RGS7BP: variants seen among roughly 807,000 people sequenced by gnomAD.
RGS7BP encodes regulator of G protein signaling 7-binding protein.
Under a neutral mutation model 31.3 loss-of-function variants are expected in RGS7BP, and 9 were observed. That is an observed-to-expected ratio of 0.29 (90% confidence interval 0.17 to 0.50). The LOEUF is 0.50. RGS7BP is among the 20% of genes least tolerant of loss of function. The pLI is 0.98. For synonymous variants in RGS7BP, 115 were observed against 120.1 expected, an observed-to-expected ratio of 0.96 and a Z score of 0.28; for missense variants, 274 against 322.0, an observed-to-expected ratio of 0.85 and a Z score of 1.14.
chr5:64,528,626 AC>A (rs1180261299), intron 2 of RGS7BP, among the ~76,000 whole-genome samples: 2 of 152,026 alleles, frequency 1.3e-5, no homozygotes, highest in African/African-American at 4.8e-5. Context: ...AGCCTGGCCA[AC>A]ATGGTGAAAC....
chr5:64,551,118 C>T lies in RGS7BP; in HGVS notation c.333-24656C>T, dbSNP rs541641145. On this transcript the variant is annotated intron_variant, in intron 2 of 5. Transcript: ENST00000334025. Reference sequence around the variant, plus strand: ...AACACAAGTCATTTCTACCTACTCTCTGTATTGGGTTTTCTGCTTATTTGT... The same window carrying T: ...AACACAAGTCATTTCTACCTACTCTTTGTATTGGGTTTTCTGCTTATTTGT... 8.3e-4 allele frequency among the ~76,000 whole-genome samples: 126 copies of T among 151,924 alleles called. 1 individual carries two copies. The South Asian group carries it at 0.026, about 31-fold the overall frequency.
At chr5:64,507,675 GT>G (rs1280126617) in intron 1 of RGS7BP, 35 bp from the exon 2 acceptor site, 13 of 1,539,238 alleles carry the variant, frequency 8.4e-6, no homozygotes, top group Non-Finnish European at 1.1e-5. Flanking sequence ...GATGAGAAAT[GT>G]TTGGTAAAAA....
chr5:64,597,336 G>C (rs1245790888), intron 4 of RGS7BP, among the ~76,000 whole-genome samples: 4 of 151,996 alleles, frequency 2.6e-5, no homozygotes, highest in African/African-American at 4.8e-5. Context: ...CAGTGGCATT[G>C]CATGCTGTGT....
intron 5 of RGS7BP, among the ~76,000 whole-genome samples, chr5:64,601,971 T>G (rs750375206): frequency 3.9e-5 from 6 of 152,172 alleles, no homozygotes; most frequent in Non-Finnish European, 5.9e-5. Context: ...TGCATAGAAT[T>G]TGGTCGTTGA....
intron 2 of RGS7BP, among the ~76,000 whole-genome samples, chr5:64,553,157 T>C (rs1001210072): frequency 1.0e-4 from 15 of 147,472 alleles, no homozygotes; most frequent in Non-Finnish European, 2.2e-4. Context: ...AGGACTTCCT[T>C]CCTTTCTTTC....
chr5:64,603,036 C>T (rs371827441), intron 5 of RGS7BP, among the ~76,000 whole-genome samples: 83 of 152,162 alleles, frequency 5.5e-4, no homozygotes, highest in Admixed American at 2.3e-3. Flanking sequence ...AGTCTCTAGA[C>T]AAAAGGCTTA....
At chr5:64,586,917 C>G (rs769983330) in intron 3 of RGS7BP, among the ~76,000 whole-genome samples, 27 of 152,140 alleles carry the variant, frequency 1.8e-4, no homozygotes, top group Non-Finnish European at 2.9e-4. Context: ...TAAATCCATA[C>G]TAGTTCATGT....
chr5:64,606,946 T>G (rs1743380953), intron 5 of RGS7BP, among the ~76,000 whole-genome samples: 1 of 152,078 alleles, frequency 6.6e-6, no homozygotes, highest in Non-Finnish European at 1.5e-5. Flanking sequence ...AATATGAGCT[T>G]TAAGAAAGGA....
intron 2 of RGS7BP, among the ~76,000 whole-genome samples, chr5:64,538,518 C>CTTTTTTTTTTTTTTTTTTTTTTTTTT (rs1741435781): frequency 1.7e-5 from 1 of 60,574 alleles, no homozygotes; most frequent in Non-Finnish European, 3.5e-5. Flanking sequence ...TTTTTTTTTC[C>CTTTTTTTTTTTTTTTTTTTTTTTTTT]TTTTCTTTTC....
chr5:64,527,441 G>A (rs78475198), intron 2 of RGS7BP, among the ~76,000 whole-genome samples: 1,535 of 152,164 alleles, frequency 0.01, 34 homozygotes, highest in African/African-American at 0.034. Flanking sequence ...GAGGAAAGAG[G>A]CGAGGATTGA....
chr5:64,512,557 C>T (rs989449384), intron 2 of RGS7BP, among the ~76,000 whole-genome samples: 7 of 152,096 alleles, frequency 4.6e-5, no homozygotes, highest in African/African-American at 1.2e-4. Flanking sequence ...GAGTATATGG[C>T]ATTGTGAGGA....
At chr5:64,538,647 C>A (rs1234958354) in intron 2 of RGS7BP, among the ~76,000 whole-genome samples, 1 of 146,678 alleles carries the variant, frequency 6.8e-6, no homozygotes, top group Non-Finnish European at 1.5e-5. Flanking sequence ...ACTTCTGCCC[C>A]CTGGGTTCAA....
chr5:64,560,396 T>C (rs1436273530), intron 2 of RGS7BP, among the ~76,000 whole-genome samples: 3 of 152,076 alleles, frequency 2.0e-5, no homozygotes, highest in African/African-American at 7.2e-5. Context: ...ACATTAAAGT[T>C]TGAGAACCTC....
Position 64,598,432 on chromosome 5 carries a change from CA to C in RGS7BP, c.681del (p.Asp228MetfsTer6). On this transcript the variant is annotated frameshift_variant and splice_region_variant, in exon 5 of 6. Transcript: ENST00000334025. LOFTEE classifies it high-confidence loss of function. ...AACTATGCCTTTACCATTGAAAAAT[CA>C]AGGTGAGTCTTGTCACTTCTCTTTG... ...RETMPLPLKN[Q>X]DDSSLLNLTP... 2 of 1,592,140 alleles carry C rather than the reference CA, an allele frequency of 1.3e-6. No individual in the cohort carries two copies. The highest frequency in any genetic ancestry group is 1.7e-6 in the Non-Finnish European group (2 of 1,160,034).
chr5:64,606,737 T>C (rs1159809040), intron 5 of RGS7BP, among the ~76,000 whole-genome samples: 1 of 152,128 alleles, frequency 6.6e-6, no homozygotes, highest in East Asian at 1.9e-4. Context: ...ATGGTTTATC[T>C]CTGAGATGTT....
chr5:64,517,070 G>T (rs990762391), intron 2 of RGS7BP, among the ~76,000 whole-genome samples: 1 of 151,396 alleles, frequency 6.6e-6, no homozygotes, highest in Non-Finnish European at 1.5e-5. Context: ...TGGTACAGTG[G>T]CTCCATGAAA....
intron 2 of RGS7BP, among the ~76,000 whole-genome samples, chr5:64,549,917 C>A (rs1174428289): frequency 6.6e-6 from 1 of 152,176 alleles, no homozygotes; most frequent in Non-Finnish European, 1.5e-5. Flanking sequence ...ACTTAGAAAT[C>A]TTTTCAGCTA....
intron 2 of RGS7BP, among the ~76,000 whole-genome samples, chr5:64,538,525 TTTC>T (rs1741437104): frequency 1.6e-5 from 2 of 122,742 alleles, no homozygotes; most frequent in South Asian, 2.6e-4. Context: ...TTCCTTTTCT[TTTC>T]TTTTTTTTTT....
chr5:64,610,785 A>G lies in RGS7BP; in HGVS notation c.*1533A>G, dbSNP rs1743483277. 1 of 151,978 alleles carries G rather than the reference A, an allele frequency of 6.6e-6. No individual in the cohort carries two copies. The highest frequency in any genetic ancestry group is 6.6e-5 in the Admixed American group (1 of 15,236). 9.4% of individuals were successfully genotyped at this position (151,978 alleles called of 1,614,324 possible). ...GACTGTTTTGACCTACAAAATGGCA[A>G]TTTCTTATAGTTCACCCTAATATCC... On this transcript the variant is annotated 3_prime_UTR_variant, in exon 6 of 6. Transcript: ENST00000334025.
Sources: allele counts gnomAD v4.1 joint callset (sites outside exome capture counted in the v4.1 genomes callset), GRCh38; gene constraint gnomAD v4.1.1; transcripts MANE v1.5; gene names NCBI Gene and HGNC (gene_info 2026-07-23, HGNC 2026-07-21).